The following NT5DC1 variants were observed in gnomAD, a reference collection of about 807,000 sequenced individuals.
The protein encoded by NT5DC1 is 5'-nucleotidase domain-containing protein 1.
In NT5DC1, 42 loss-of-function variants were observed where a neutral mutation model predicts 59.4. That is an observed-to-expected ratio of 0.71 (90% CI 0.55 to 0.92). NT5DC1 has a LOEUF of 0.92. NT5DC1 is among the 40% of genes least tolerant of loss of function. The pLI is 0.00. For synonymous variants in NT5DC1, 172 were observed against 188.1 expected (o/e 0.91, Z 0.70); for missense variants, 501 against 537.1 (o/e 0.93, Z 0.66).
At chr6:116,142,154 A>G (rs1779783477) in intron 6 of NT5DC1, among the ~76,000 whole-genome samples, 3 of 152,100 alleles carry the variant, frequency 2.0e-5, no homozygotes, top group Admixed American at 2.0e-4. Context: ...ACTCTTTCTA[A>G]TATATGAAAC....
chr6:116,149,019 A>G (rs1027979028), intron 6 of NT5DC1, among the ~76,000 whole-genome samples: 8 of 152,112 alleles, frequency 5.3e-5, no homozygotes, highest in Admixed American at 5.2e-4. Context: ...ACTTTCCTTG[A>G]TGTTTGGATT....
At chr6:116,163,139 A>ATATATATATATATAT in intron 6 of NT5DC1, among the ~76,000 whole-genome samples, 1 of 100,400 alleles carries the variant, frequency 1.0e-5, no homozygotes, top group East Asian at 2.7e-4. Flanking sequence ...AAAAAAAAAA[A>ATATATATATATATAT]AAATATATAT....
chr6:116,116,624 A>G (rs1425373495), intron 5 of NT5DC1, among the ~76,000 whole-genome samples: 2 of 152,132 alleles, frequency 1.3e-5, no homozygotes, highest in African/African-American at 2.4e-5. Flanking sequence ...CCTGGGCGAC[A>G]TAGCAAGACT....
chr6:116,241,938 AC>A (rs1562178967), intron 11 of NT5DC1, among the ~76,000 whole-genome samples: 589 of 27,608 alleles, frequency 0.021, 48 homozygotes, highest in African/African-American at 0.044. Context: ...AAAAAAAAAA[AC>A]AAAACAAAAA....
chr6:116,202,813 C>G (rs1781375006), intron 6 of NT5DC1, among the ~76,000 whole-genome samples: 1 of 151,948 alleles, frequency 6.6e-6, no homozygotes, highest in Non-Finnish European at 1.5e-5. Flanking sequence ...TTCAGAAGCT[C>G]TATGGAAAGA....
chr6:116,147,606 A>G (rs1241905341), intron 6 of NT5DC1, among the ~76,000 whole-genome samples: 1 of 152,230 alleles, frequency 6.6e-6, no homozygotes, highest in Non-Finnish European at 1.5e-5. Context: ...AAAGAATTAT[A>G]AATGGCCTTA....
intron 6 of NT5DC1, among the ~76,000 whole-genome samples, chr6:116,182,154 A>G (rs959510742): frequency 1.1e-4 from 16 of 151,618 alleles, no homozygotes; most frequent in African/African-American, 3.2e-4. Context: ...AGAACCTCCA[A>G]TTTCATCCAG....
intron 6 of NT5DC1, among the ~76,000 whole-genome samples, chr6:116,124,642 C>T (rs1311650885): frequency 6.6e-6 from 1 of 152,222 alleles, no homozygotes; most frequent in African/African-American, 2.4e-5. Context: ...AACTTCGCAG[C>T]AGCCCTTGAG....
chr6:116,107,924 A>T (rs1426402527), intron 2 of NT5DC1, among the ~76,000 whole-genome samples: 2 of 152,108 alleles, frequency 1.3e-5, no homozygotes, highest in African/African-American at 4.8e-5. Flanking sequence ...TTGTAACCTG[A>T]CCTAAATTGA....
chr6:116,134,415 T>C (rs1779539871), intron 6 of NT5DC1, among the ~76,000 whole-genome samples: 1 of 152,214 alleles, frequency 6.6e-6, no homozygotes, highest in Admixed American at 6.6e-5. Flanking sequence ...CTTTATACTC[T>C]TTCCTGAACG....
At chr6:116,142,500 C>G (rs1413164016) in intron 6 of NT5DC1, among the ~76,000 whole-genome samples, 1 of 152,030 alleles carries the variant, frequency 6.6e-6, no homozygotes, top group Non-Finnish European at 1.5e-5. Context: ...TATAAACTTA[C>G]TTCTGATTAT....
At chr6:116,154,151 G>A (rs1177136820) in intron 6 of NT5DC1, among the ~76,000 whole-genome samples, 2 of 151,230 alleles carry the variant, frequency 1.3e-5, no homozygotes, top group East Asian at 3.9e-4. Flanking sequence ...TTCCCCCTCA[G>A]AATAGCAATA....
intron 6 of NT5DC1, among the ~76,000 whole-genome samples, chr6:116,195,897 T>C (rs1434949300): frequency 1.3e-5 from 2 of 151,942 alleles, no homozygotes. Flanking sequence ...AAGCCACAAG[T>C]TGGAAAGGGG....
At chr6:116,180,965 G>T (rs966127543) in intron 6 of NT5DC1, among the ~76,000 whole-genome samples, 9 of 151,952 alleles carry the variant, frequency 5.9e-5, no homozygotes, top group Admixed American at 5.9e-4. Flanking sequence ...AAGAATTATT[G>T]TTATATTTTT....
intron 6 of NT5DC1, among the ~76,000 whole-genome samples, chr6:116,197,631 A>G (rs1250395120): frequency 6.6e-6 from 1 of 152,086 alleles, no homozygotes; most frequent in African/African-American, 2.4e-5. Context: ...AGAGATTCAA[A>G]TACCATCTCT....
intron 6 of NT5DC1, among the ~76,000 whole-genome samples, chr6:116,159,296 C>T (rs1349349281): frequency 6.6e-6 from 1 of 152,056 alleles, no homozygotes; most frequent in African/African-American, 2.4e-5. Flanking sequence ...ACCAGAGAAA[C>T]ATAACTTTCT....
At chr6:116,132,336 T>C (rs1312061510) in intron 6 of NT5DC1, among the ~76,000 whole-genome samples, 1 of 152,192 alleles carries the variant, frequency 6.6e-6, no homozygotes, top group East Asian at 1.9e-4. Context: ...AAAGCATGGT[T>C]GAGTATCTTT....
intron 1 of NT5DC1, among the ~76,000 whole-genome samples, chr6:116,104,384 C>T (rs188279793): frequency 6.6e-6 from 1 of 152,340 alleles, no homozygotes; most frequent in African/African-American, 2.4e-5. Context: ...TTTAGAATTA[C>T]ATGCCCATAT....
At chr6:116,200,237 G>A (rs904971344) in intron 6 of NT5DC1, among the ~76,000 whole-genome samples, 1 of 151,984 alleles carries the variant, frequency 6.6e-6, no homozygotes, top group Non-Finnish European at 1.5e-5. Flanking sequence ...CCATAAAACT[G>A]TCAAAGTTAC....
Sources: gnomAD v4.1 joint callset for allele counts (sites outside exome capture counted in the v4.1 genomes callset) on GRCh38, gnomAD v4.1.1 for gene constraint, MANE v1.5 for transcripts, NCBI Gene and HGNC (gene_info 2026-07-23, HGNC 2026-07-21) for gene names.